CRACD: variants seen among roughly 807,000 people sequenced by gnomAD.
CRACD encodes the protein capping protein inhibiting regulator of actin dynamics.
A neutral mutation model predicts 106.8 loss-of-function variants in CRACD; 56 were observed. The ratio of observed to expected loss-of-function variants is 0.52; its 90% CI spans 0.42 to 0.66. The LOEUF is 0.66. CRACD is among the 30% of genes least tolerant of loss of function. The pLI is 0.00. For missense variants in CRACD, 1,730 were observed against 1,623.2 expected, an observed-to-expected ratio of 1.07 and a Z score of -1.13; for synonymous variants, 754 against 670.8, an observed-to-expected ratio of 1.12 and a Z score of -1.92.
chr4:56,098,806 C>T (rs959915408), intron 1 of CRACD, among the ~76,000 whole-genome samples: 5 of 152,172 alleles, frequency 3.3e-5, no homozygotes, highest in African/African-American at 1.2e-4. Flanking sequence ...ATTCTCGTGC[C>T]TCAGCCTCCA....
Position 56,060,284 on chromosome 4 carries a change from C to T in CRACD, c.-336+10985C>T, listed in dbSNP as rs544303528. Among the ~76,000 whole-genome samples, 32 of 151,772 alleles carry T rather than the reference C, an allele frequency of 2.1e-4. 1 individual carries two copies. In the South Asian group the frequency reaches 5.2e-3, roughly 25 times the overall value. On this transcript the variant is annotated intron_variant, in intron 1 of 10. Coordinates refer to ENST00000682029, the MANE Select transcript of CRACD (RefSeq NM_001393381.1). ...GAGTTTCTAGAGAATGTAAAAATAACGAACTCATAGTCCATCTAGTATAGA... is the reference window on the plus strand; with the variant it reads ...GAGTTTCTAGAGAATGTAAAAATAATGAACTCATAGTCCATCTAGTATAGA...
intron 2 of CRACD, among the ~76,000 whole-genome samples, chr4:56,249,396 T>C (rs1740911888): frequency 6.8e-6 from 1 of 147,460 alleles, no homozygotes; most frequent in South Asian, 2.3e-4. Flanking sequence ...TCTGTTCATG[T>C]CCTTCGCCCA....
intron 1 of CRACD, among the ~76,000 whole-genome samples, chr4:56,171,602 G>A (rs1004058901): frequency 6.6e-6 from 1 of 152,176 alleles, no homozygotes; most frequent in African/African-American, 2.4e-5. Flanking sequence ...GAACAATGCT[G>A]AGATGGTGGA....
At chr4:56,051,193 T>G (rs367944807) in intron 1 of CRACD, among the ~76,000 whole-genome samples, 3 of 152,174 alleles carry the variant, frequency 2.0e-5, no homozygotes, top group Non-Finnish European at 4.4e-5. Flanking sequence ...TATGTAGTCA[T>G]GGAAAGAAAG....
At chr4:56,190,334 C>G (rs900939045) in intron 2 of CRACD, among the ~76,000 whole-genome samples, 1 of 152,162 alleles carries the variant, frequency 6.6e-6, no homozygotes, top group East Asian at 1.9e-4. Flanking sequence ...GGTATATACC[C>G]AGTAATGGGA....
intron 3 of CRACD, among the ~76,000 whole-genome samples, chr4:56,275,505 T>A (rs1742626043): frequency 6.6e-6 from 1 of 152,232 alleles, no homozygotes; most frequent in Non-Finnish European, 1.5e-5. Flanking sequence ...TACATATTTC[T>A]CTTTTCTAGG....
chr4:56,143,661 T>C (rs935133428), intron 1 of CRACD, among the ~76,000 whole-genome samples: 1 of 152,228 alleles, frequency 6.6e-6, no homozygotes, highest in African/African-American at 2.4e-5. Context: ...AGTAAACCCA[T>C]ATTGGCCATG....
intron 1 of CRACD, among the ~76,000 whole-genome samples, chr4:56,079,410 A>G (rs1732949753): frequency 6.6e-6 from 1 of 150,838 alleles, no homozygotes; most frequent in Non-Finnish European, 1.5e-5. Flanking sequence ...TCAAAACCAA[A>G]CTTATTTCTA....
At chr4:56,317,601 C>CT (rs1745762620) in intron 8 of CRACD, among the ~76,000 whole-genome samples, 1 of 152,192 alleles carries the variant, frequency 6.6e-6, no homozygotes. Flanking sequence ...AGTGTCTTCA[C>CT]TGTATCTCTG....
intron 1 of CRACD, among the ~76,000 whole-genome samples, chr4:56,136,770 T>C (rs1465068695): frequency 1.3e-5 from 2 of 152,208 alleles, no homozygotes; most frequent in African/African-American, 4.8e-5. Context: ...AAGTCTACTG[T>C]ATTGATTGTT....
chr4:56,214,679 C>CTA (rs755261143), intron 2 of CRACD, among the ~76,000 whole-genome samples: 3,488 of 74,206 alleles, frequency 0.047, 208 homozygotes, highest in Non-Finnish European at 0.055. Flanking sequence ...CTCTCTCTCT[C>CTA]TCTATATATA....
chr4:56,253,063 CTG>C (rs1284819380), intron 2 of CRACD, among the ~76,000 whole-genome samples: 3 of 152,166 alleles, frequency 2.0e-5, no homozygotes, highest in Non-Finnish European at 2.9e-5. Flanking sequence ...GGTTATAGGA[CTG>C]TGACCTATTC....
intron 1 of CRACD, among the ~76,000 whole-genome samples, chr4:56,078,866 G>A (rs887105306): frequency 6.6e-6 from 1 of 152,216 alleles, no homozygotes; most frequent in African/African-American, 2.4e-5. Flanking sequence ...TGAGCAGAGA[G>A]AGTTCACCCT....
intron 1 of CRACD, among the ~76,000 whole-genome samples, chr4:56,146,640 T>C (rs1363870335): frequency 6.8e-6 from 1 of 147,898 alleles, no homozygotes; most frequent in East Asian, 2.0e-4. Flanking sequence ...ACGGCCCTGC[T>C]CTTTTAATAT....
rs1311859286 is a variant in CRACD at position 56,283,536 on chromosome 4, G to T, written c.-17+11044G>T. 1.3e-5 allele frequency among the ~76,000 whole-genome samples: 2 copies of T among 152,134 alleles called. 1 individual carries two copies. Among genetic ancestry groups the T allele is most frequent in the Non-Finnish European group, 2.9e-5 (2 of 68,014 alleles). On this transcript the variant is annotated intron_variant, in intron 3 of 10. Coordinates refer to ENST00000682029, the MANE Select transcript of CRACD (RefSeq NM_001393381.1). Reference sequence around the variant, plus strand: ...CCTTCCCCTCCCACTGCAGCCTGGTGTAAGCCTGCAACCCAGCCTGGCCAA... The same window carrying T: ...CCTTCCCCTCCCACTGCAGCCTGGTTTAAGCCTGCAACCCAGCCTGGCCAA...
chr4:56,193,253 C>T (rs1737463906), intron 2 of CRACD, among the ~76,000 whole-genome samples: 1 of 152,152 alleles, frequency 6.6e-6, no homozygotes, highest in Admixed American at 6.5e-5. Context: ...CCATGACTCA[C>T]TTACCTCCCA....
intron 8 of CRACD, among the ~76,000 whole-genome samples, chr4:56,323,075 C>T (rs1282486813): frequency 1.3e-5 from 2 of 152,176 alleles, no homozygotes; most frequent in African/African-American, 4.8e-5. Context: ...AACCAAATAC[C>T]TATCTGGATG....
intron 1 of CRACD, among the ~76,000 whole-genome samples, chr4:56,080,945 T>C (rs1465560346): frequency 6.6e-6 from 1 of 152,242 alleles, no homozygotes; most frequent in African/African-American, 2.4e-5. Context: ...ATCAGATCTA[T>C]CCACTTACTT....
intron 1 of CRACD, among the ~76,000 whole-genome samples, chr4:56,160,012 C>T (rs1270193416): frequency 1.3e-5 from 2 of 151,910 alleles, no homozygotes; most frequent in Non-Finnish European, 2.9e-5. Flanking sequence ...AACTCCCAAC[C>T]TCAGGTAATT....
Sources: gnomAD v4.1 joint callset for allele counts (sites outside exome capture counted in the v4.1 genomes callset) on GRCh38, gnomAD v4.1.1 for gene constraint, MANE v1.5 for transcripts, NCBI Gene and HGNC (gene_info 2026-07-23, HGNC 2026-07-21) for gene names.